Variants in PRDM6 observed in about 807,000 individuals in gnomAD.
PRDM6 encodes putative histone-lysine N-methyltransferase PRDM6.
In PRDM6, 25 loss-of-function variants were observed where a neutral mutation model predicts 60.8. The observed-to-expected ratio is 0.41, with a 90% CI of 0.30 to 0.57. The LOEUF (loss-of-function observed/expected upper bound fraction) is 0.57. PRDM6 is among the 20% of genes least tolerant of loss of function. The pLI is 0.27. For missense variants in PRDM6, 839 were observed against 821.3 expected, an observed-to-expected ratio of 1.02 and a Z score of -0.26; for synonymous variants, 407 against 357.4, an observed-to-expected ratio of 1.14 and a Z score of -1.57.
At position 123,090,240 on chromosome 5, in the gene PRDM6, C is replaced by T. The variant is rs1444167382; in HGVS notation, c.226C>T (p.Leu76Phe). The stretch of plus-strand genomic sequence containing the variant: ...CAGCCTGCGCCCGCGGCCCGCCTCT[C>T]TCTCCTCCGCCTCGTCCACGCCGGC... ...PDSLRPRPAS[L>F]SSASSTPASS... Residue 76 changes from leucine to phenylalanine, a missense_variant, in exon 2 of 8, where the codon CTC becomes TTC. Physicochemically the swap from Leu to Phe is conservative, Grantham distance 22. Coordinates refer to ENST00000407847, the MANE Select transcript of PRDM6 (RefSeq NM_001136239.4). The T allele has an allele frequency of 5.4e-6, 8 of 1,480,236 alleles. No individual in the cohort carries two copies. The Admixed American group carries it at 1.2e-4, about 21-fold the overall frequency. 91.7% of individuals were successfully genotyped at this position (1,480,236 alleles called of 1,614,324 possible). A position where few individuals can be genotyped will look rare whatever the true frequency, so the allele number is the denominator to read the frequency against.
intron 5 of PRDM6, among the ~76,000 whole-genome samples, chr5:123,165,616 A>C (rs546979331): frequency 5.6e-4 from 85 of 152,314 alleles, no homozygotes; most frequent in Non-Finnish European, 8.8e-4. Context: ...AAAATGCAGA[A>C]AGTACTGTGG....
intron 3 of PRDM6, among the ~76,000 whole-genome samples, chr5:123,142,896 A>C (rs1285291690): frequency 1.4e-5 from 2 of 147,348 alleles, no homozygotes; most frequent in East Asian, 1.9e-4. Flanking sequence ...AAAAAAAAAA[A>C]AAAAAACAAA....
At chr5:123,143,148 A>AGTGTGTGTGTGTGTGTGTGTGTGTGT (rs139092433) in intron 3 of PRDM6, among the ~76,000 whole-genome samples, 87 of 145,974 alleles carry the variant, frequency 6.0e-4, no homozygotes, top group South Asian at 8.7e-4. Flanking sequence ...TAGTTTTTAA[A>AGTGTGTGTGTGTGTGTGTGTGTGTGT]GTGTGTGTGT....
chr5:123,107,225 T>C (rs1272240602), intron 3 of PRDM6, among the ~76,000 whole-genome samples: 3 of 152,228 alleles, frequency 2.0e-5, no homozygotes, highest in Non-Finnish European at 2.9e-5. Flanking sequence ...TTTTGCAAAT[T>C]GCACCTGTAA....
intron 7 of PRDM6, among the ~76,000 whole-genome samples, chr5:123,181,479 TG>T (rs1203849434): frequency 6.6e-6 from 1 of 152,200 alleles, no homozygotes; most frequent in Non-Finnish European, 1.5e-5. Flanking sequence ...CCTGAGAGTG[TG>T]AGTCAGCATG....
chr5:123,145,657 A>G (rs1287270406), intron 3 of PRDM6, among the ~76,000 whole-genome samples: 11 of 152,160 alleles, frequency 7.2e-5, no homozygotes, highest in Non-Finnish European at 1.5e-4. Context: ...GGACAGTGTA[A>G]ACTGGGAACT....
chr5:123,134,210 A>G (rs1160795628), intron 3 of PRDM6, among the ~76,000 whole-genome samples: 1 of 152,182 alleles, frequency 6.6e-6, no homozygotes, highest in East Asian at 1.9e-4. Context: ...TTTTCCCAGC[A>G]TGATTTTATT....
chr5:123,139,106 C>T (rs1404718735), intron 3 of PRDM6, among the ~76,000 whole-genome samples: 2 of 152,072 alleles, frequency 1.3e-5, no homozygotes, highest in African/African-American at 4.8e-5. Context: ...TGCCTTCTGC[C>T]ATGATTCTAA....
intron 3 of PRDM6, among the ~76,000 whole-genome samples, chr5:123,101,402 G>A (rs556826937): frequency 4.6e-4 from 70 of 152,174 alleles, no homozygotes; most frequent in Non-Finnish European, 7.6e-4. Flanking sequence ...GGAGTGCCCC[G>A]GCTCAAAGCA....
At chr5:123,133,720 A>C (rs1764888679) in intron 3 of PRDM6, among the ~76,000 whole-genome samples, 2 of 152,032 alleles carry the variant, frequency 1.3e-5, no homozygotes, top group Admixed American at 6.6e-5. Context: ...GTGGCTATTT[A>C]AAGAGTTTTG....
chr5:123,090,347 GC>G lies in PRDM6; in HGVS notation c.335del (p.Pro112ArgfsTer11). 1 of 1,475,582 alleles carries G rather than the reference GC, an allele frequency of 6.8e-7. No homozygotes were observed. The allele number at this position is 1,475,582 out of a possible 1,614,324, so 91.4% of individuals were successfully genotyped here. ...AAALAGLSAL[P>X]VSQLPVFAPL... ...CCGCGCTGGCTGGTCTCTCGGCCCT[GC>G]CGGTGTCGCAGCTGCCGGTGTTCGC... On this transcript the variant is annotated frameshift_variant, in exon 2 of 8. Transcript: ENST00000407847. LOFTEE classifies it high-confidence loss of function.
chr5:123,116,639 A>C (rs1041263617), intron 3 of PRDM6, among the ~76,000 whole-genome samples: 17 of 152,204 alleles, frequency 1.1e-4, no homozygotes, highest in African/African-American at 4.1e-4. Flanking sequence ...GTGAAAAAAA[A>C]AATTATTTTT....
intron 3 of PRDM6, among the ~76,000 whole-genome samples, chr5:123,119,071 G>A (rs1274882705): frequency 6.6e-6 from 1 of 152,044 alleles, no homozygotes; most frequent in Non-Finnish European, 1.5e-5. Flanking sequence ...AAAGATAGGG[G>A]TGATGGTGTT....
chr5:123,167,625 G>A (rs2126881609), intron 5 of PRDM6, among the ~76,000 whole-genome samples: 1 of 152,274 alleles, frequency 6.6e-6, no homozygotes, highest in Middle Eastern at 3.4e-3. Context: ...CCGACCTCAG[G>A]TGATCTGCTT....
intron 3 of PRDM6, among the ~76,000 whole-genome samples, chr5:123,105,215 C>G (rs1303025184): frequency 6.6e-6 from 1 of 152,122 alleles, no homozygotes; most frequent in Admixed American, 6.5e-5. Flanking sequence ...TTTACTGGTC[C>G]ATAACTGCAT....
At chr5:123,116,644 A>T (rs466097) in intron 3 of PRDM6, among the ~76,000 whole-genome samples, 138,870 of 152,182 alleles carry the variant, frequency 0.91, 63,582 homozygotes, top group South Asian at 0.99. Flanking sequence ...AAAAAAAATT[A>T]TTTTTCTGTT....
At chr5:123,121,295 T>C (rs1000228555) in intron 3 of PRDM6, among the ~76,000 whole-genome samples, 6 of 152,238 alleles carry the variant, frequency 3.9e-5, no homozygotes, top group African/African-American at 1.4e-4. Context: ...CAACTTATTT[T>C]GAATATTTTT....
intron 4 of PRDM6, among the ~76,000 whole-genome samples, chr5:123,157,479 C>T (rs563413590): frequency 1.3e-5 from 2 of 152,240 alleles, no homozygotes; most frequent in African/African-American, 2.4e-5. Flanking sequence ...AAGGTGGGCA[C>T]GGGTAAGTCA....
intron 5 of PRDM6, among the ~76,000 whole-genome samples, chr5:123,162,731 A>G (rs893061906): frequency 5.9e-5 from 9 of 152,172 alleles, no homozygotes; most frequent in Admixed American, 5.9e-4. Context: ...CCTGTCTCAG[A>G]GTCATATATC....
Sources: allele counts gnomAD v4.1 joint callset (sites outside exome capture counted in the v4.1 genomes callset), GRCh38; gene constraint gnomAD v4.1.1; transcripts MANE v1.5; gene names NCBI Gene and HGNC (gene_info 2026-07-23, HGNC 2026-07-21).